Variants in SUPT3H observed in about 807,000 individuals in gnomAD.
SUPT3H encodes SPT3 homolog, SAGA and STAGA complex component.
In SUPT3H, 44 loss-of-function variants were observed where a neutral mutation model predicts 44.3. The observed-to-expected ratio is 0.99, with a 90% CI of 0.78 to 1.28. SUPT3H has a LOEUF of 1.28. SUPT3H is among the 50% of genes most tolerant of loss of function. The pLI, the probability that SUPT3H is intolerant of heterozygous loss-of-function variation, is 0.00. For synonymous variants in SUPT3H, 124 were observed against 125.6 expected (o/e 0.99, Z 0.09); for missense variants, 380 against 387.1 (o/e 0.98, Z 0.15).
At chr6:45,247,200 T>C (rs1021605963) in intron 2 of SUPT3H, among the ~76,000 whole-genome samples, 2 of 152,140 alleles carry the variant, frequency 1.3e-5, no homozygotes, top group Admixed American at 1.3e-4. Context: ...CTACCAAAAT[T>C]CACTGAAGTA....
chr6:45,344,693 C>T (rs949083574), intron 2 of SUPT3H, among the ~76,000 whole-genome samples: 1 of 152,006 alleles, frequency 6.6e-6, no homozygotes, highest in Non-Finnish European at 1.5e-5. Flanking sequence ...TAAACTAGCT[C>T]TTCATGGTTG....
intron 10 of SUPT3H, among the ~76,000 whole-genome samples, chr6:44,849,603 A>G (rs1272510650): frequency 6.6e-6 from 1 of 152,184 alleles, no homozygotes; most frequent in Non-Finnish European, 1.5e-5. Context: ...AAAAGTAACT[A>G]AGCATTTAGG....
intron 2 of SUPT3H, among the ~76,000 whole-genome samples, chr6:45,358,748 C>A (rs116715972): frequency 1.3e-5 from 2 of 152,086 alleles, no homozygotes; most frequent in African/African-American, 4.8e-5. Context: ...TAATACTGTA[C>A]ATAAATCACA....
At chr6:44,848,915 G>A (rs527998624) in intron 10 of SUPT3H, among the ~76,000 whole-genome samples, 1 of 152,284 alleles carries the variant, frequency 6.6e-6, no homozygotes, top group African/African-American at 2.4e-5. Flanking sequence ...TCCTTTGAAG[G>A]AAATCAGAAG....
In SUPT3H at chr6:45,003,769, C is replaced by T. The variant is rs1232934043; in HGVS notation, c.388G>A (p.Ala130Thr). Residue 130 changes from alanine (A) to threonine (T), a missense_variant, in exon 6 of 11, where the codon GCG becomes ACG. Physicochemically the swap from Ala to Thr is moderately conservative, Grantham distance 58. Coordinates refer to ENST00000371459, the MANE Select transcript of SUPT3H (RefSeq NM_003599.4). ...LEDKLSGSNNANKRQKIAQDF... is the reference protein window; with the variant it reads ...LEDKLSGSNNTNKRQKIAQDF... ...TGAGCAATCTTTTGTCTTTTGTTCG[C>T]ATTATTGCTGCCACTCAATTTGTCT... 4 of 1,613,470 alleles carry T rather than the reference C, an allele frequency of 2.5e-6. No individual in the cohort carries two copies. The highest frequency in any genetic ancestry group is 2.2e-5 in the East Asian group (1 of 44,818).
intron 2 of SUPT3H, among the ~76,000 whole-genome samples, chr6:45,288,776 A>G (rs1779820738): frequency 6.6e-6 from 1 of 151,884 alleles, no homozygotes; most frequent in Non-Finnish European, 1.5e-5. Context: ...TACCATTATA[A>G]AGAACACAAC....
chr6:45,356,999 A>C (rs1456776067), intron 2 of SUPT3H, among the ~76,000 whole-genome samples: 1 of 152,052 alleles, frequency 6.6e-6, no homozygotes, highest in Non-Finnish European at 1.5e-5. Context: ...ATTTTTAGTA[A>C]TGAAGAATCC....
intron 2 of SUPT3H, among the ~76,000 whole-genome samples, chr6:45,260,749 G>T (rs1002011201): frequency 6.6e-6 from 1 of 152,018 alleles, no homozygotes; most frequent in African/African-American, 2.4e-5. Flanking sequence ...ATCCTTACAC[G>T]AATTGCCTAT....
At chr6:45,376,619 TC>T (rs1218737002) in intron 1 of SUPT3H, among the ~76,000 whole-genome samples, 1 of 152,166 alleles carries the variant, frequency 6.6e-6, no homozygotes, top group Non-Finnish European at 1.5e-5. Flanking sequence ...CGCTCCAACG[TC>T]CCGAATATCC....
In SUPT3H at chr6:44,828,070, A is replaced by C. The variant is rs1767964374; in HGVS notation, c.*1746T>G. Among the ~76,000 whole-genome samples, 1 of 152,132 alleles carries C rather than the reference A, an allele frequency of 6.6e-6. No individual in the cohort carries two copies. The highest frequency in any genetic ancestry group is 1.9e-4 in the East Asian group (1 of 5,192). On this transcript the variant is annotated 3_prime_UTR_variant, in exon 11 of 11. Transcript: ENST00000371459. ...ATTTTCTGCCTTGTGCATACTTTAA[A>C]ATGTATAATGTGGGAGAGAAGGAAT...
At chr6:45,017,061 T>C (rs559357647) in intron 4 of SUPT3H, among the ~76,000 whole-genome samples, 5 of 151,980 alleles carry the variant, frequency 3.3e-5, no homozygotes, top group East Asian at 3.9e-4. Flanking sequence ...TGGTATCTCA[T>C]TGTGGTTTTG....
Position 45,040,581 on chromosome 6 carries a change from C to T in SUPT3H, c.187-19949G>A, listed in dbSNP as rs140873085. ...TTTCACCATTACCAACACAGAGTGG[C>T]TTTTCAAAAACAAAAACAAACAAAA... On this transcript the variant is annotated intron_variant, in intron 3 of 10. Coordinates refer to ENST00000371459, the MANE Select transcript of SUPT3H (RefSeq NM_003599.4). 9.0e-3 allele frequency among the ~76,000 whole-genome samples: 1,367 copies of T among 152,198 alleles called. 17 individuals carry two copies. Among genetic ancestry groups the T allele is most frequent in the Non-Finnish European group, 0.015 (1,053 of 67,988 alleles).
intron 2 of SUPT3H, among the ~76,000 whole-genome samples, chr6:45,296,738 CAAAAA>C (rs60921436): frequency 4.7e-4 from 14 of 29,702 alleles, no homozygotes; most frequent in African/African-American, 8.6e-4. Context: ...GACTCTGTCT[CAAAAA>C]AAAAAAAAAA....
intron 2 of SUPT3H, among the ~76,000 whole-genome samples, chr6:45,339,090 C>A (rs1789210704): frequency 6.6e-6 from 1 of 152,004 alleles, no homozygotes; most frequent in Non-Finnish European, 1.5e-5. Flanking sequence ...AAATATCTTG[C>A]AAACTAAGAT....
At chr6:44,920,741 C>T (rs1191995548) in intron 10 of SUPT3H, among the ~76,000 whole-genome samples, 1 of 152,078 alleles carries the variant, frequency 6.6e-6, no homozygotes, top group Non-Finnish European at 1.5e-5. Context: ...ATTAAAAGTC[C>T]TTCTCAAAAT....
chr6:45,236,992 C>A (rs1348246523), intron 2 of SUPT3H, among the ~76,000 whole-genome samples: 5 of 152,046 alleles, frequency 3.3e-5, no homozygotes, highest in East Asian at 3.9e-4. Flanking sequence ...CTACAATGGG[C>A]AAATTCAGAT....
At chr6:45,152,850 A>G (rs1807170567) in intron 2 of SUPT3H, among the ~76,000 whole-genome samples, 1 of 152,074 alleles carries the variant, frequency 6.6e-6, no homozygotes, top group Admixed American at 6.6e-5. Flanking sequence ...CCTTTAAGTA[A>G]AAAAATATAT....
At chr6:45,124,265 TA>T (rs71536350) in intron 2 of SUPT3H, among the ~76,000 whole-genome samples, 33 of 151,300 alleles carry the variant, frequency 2.2e-4, no homozygotes, top group East Asian at 2.1e-3. Flanking sequence ...GTTCCACTGT[TA>T]AAAAAAAACA....
chr6:44,917,473 A>C (rs1767996500), intron 10 of SUPT3H, among the ~76,000 whole-genome samples: 1 of 152,220 alleles, frequency 6.6e-6, no homozygotes, highest in Admixed American at 6.5e-5. Context: ...AACAGTGCTT[A>C]CATCTCTGGT....
Sources: allele counts gnomAD v4.1 joint callset (sites outside exome capture counted in the v4.1 genomes callset), GRCh38; gene constraint gnomAD v4.1.1; transcripts MANE v1.5; gene names NCBI Gene and HGNC (gene_info 2026-07-23, HGNC 2026-07-21).